The following OR52N5 variants were observed in gnomAD, a reference collection of about 807,000 sequenced individuals.
The protein encoded by OR52N5 is olfactory receptor family 52 subfamily N member 5.
A neutral mutation model predicts 14.1 loss-of-function variants in OR52N5; 10 were observed. The ratio of observed to expected loss-of-function variants is 0.71; its 90% confidence interval spans 0.44 to 1.20. The LOEUF (loss-of-function observed/expected upper bound fraction) is 1.20, where lower values mean the gene tolerates loss of function less well. OR52N5 is among the 50% of genes most tolerant of loss of function. The pLI, the probability that OR52N5 is intolerant of heterozygous loss-of-function variation, is 0.00. For missense variants in OR52N5, 361 were observed against 403.2 expected, an observed-to-expected ratio of 0.90 and a Z score of 0.90; for synonymous variants, 116 against 143.0, an observed-to-expected ratio of 0.81 and a Z score of 1.35.
In OR52N5 at chr11:5,778,807, C is replaced by T. The variant is rs1233973004; in HGVS notation, c.-23-150G>A. The T allele has an allele frequency of 4.5e-6, 2 of 448,702 alleles. 1 individual carries two copies. The highest frequency in any genetic ancestry group is 7.7e-6 in the Non-Finnish European group (2 of 258,830). The allele number at this position is 448,702 out of a possible 1,614,324, so 27.8% of individuals were successfully genotyped here. A position where few individuals can be genotyped will look rare whatever the true frequency, so the allele number is the denominator to read the frequency against. ...ACAATGTATTGAATAATACTGTATT[C>T]CAGATAACATTTTAAAAGTTTCATA... On this transcript the variant is annotated intron_variant, in intron 2 of 2. Transcript: ENST00000641181.
In OR52N5 at chr11:5,778,181, T is replaced by C; in HGVS notation, c.454A>G (p.Lys152Glu). ...CTCAGGAAGGTGGCAAGCTCAGCCTTGGCAATGATAGGGTTGGTGAGTGTG... is the reference window on the plus strand; with the variant it reads ...CTCAGGAAGGTGGCAAGCTCAGCCTCGGCAATGATAGGGTTGGTGAGTGTG... Reference protein sequence around the residue: ...ATTLTNPIIAKAELATFLRGV... With the variant: ...ATTLTNPIIAEAELATFLRGV... The change falls in exon 3 of 3, where the codon AAG becomes GAG. Residue 152 changes from lysine to glutamate, a missense_variant. Transcript: ENST00000641181. 7.2e-6 allele frequency: 11 copies of C among 1,520,736 alleles called. 1 individual carries two copies. The highest frequency in any genetic ancestry group is 9.9e-6 in the Non-Finnish European group (11 of 1,114,248). 94.2% of individuals were successfully genotyped at this position (1,520,736 alleles called of 1,614,324 possible).
At position 5,776,842 on chromosome 11, in the gene OR52N5, G is replaced by C. The variant is rs918484004; in HGVS notation, c.*818C>G. The C allele has an allele frequency of 2.9e-5, 4 of 140,014 alleles. 1 individual carries two copies. The highest frequency in any genetic ancestry group is 6.3e-5 in the Non-Finnish European group (4 of 63,378). 8.7% of individuals were successfully genotyped at this position (140,014 alleles called of 1,614,324 possible). A position where few individuals can be genotyped will look rare whatever the true frequency, so the allele number is the denominator to read the frequency against. On this transcript the variant is annotated 3_prime_UTR_variant, in exon 3 of 3. Coordinates refer to ENST00000641181, the MANE Select transcript of OR52N5 (RefSeq NM_001385662.1). ...GAACAATGTTGCAACAAACATGGGA[G>C]TGCAGGTATCTGGTATCTCTTCAAC...
In OR52N5 at chr11:5,781,008, C is replaced by T. The variant is rs1024236235; in HGVS notation, c.-24+525G>A. 4.3e-5 allele frequency among the ~76,000 whole-genome samples: 6 copies of T among 139,930 alleles called. 1 individual carries two copies. Among genetic ancestry groups the T allele is most frequent in the African/African-American group, 1.6e-4 (6 of 38,266 alleles). The allele number at this position is 139,930 out of a possible 152,430, so 91.8% of individuals were successfully genotyped here. A position where few individuals can be genotyped will look rare whatever the true frequency, so the allele number is the denominator to read the frequency against. On this transcript the variant is annotated intron_variant, in intron 2 of 2. Coordinates refer to ENST00000641181, the MANE Select transcript of OR52N5 (RefSeq NM_001385662.1). Reference sequence around the variant, plus strand: ...TCCAGAGTCCAGAATGAGCTATTGCCGTTAAACACCCTGATTTAGATACAG... The same window carrying T: ...TCCAGAGTCCAGAATGAGCTATTGCTGTTAAACACCCTGATTTAGATACAG...
In OR52N5 at chr11:5,781,139, T is replaced by A. The variant is rs907771753; in HGVS notation, c.-24+394A>T. Among the ~76,000 whole-genome samples, 45 of 140,606 alleles carry A rather than the reference T, an allele frequency of 3.2e-4. 9 individuals carry two copies. The highest frequency in any genetic ancestry group is 4.4e-4 in the Admixed American group (6 of 13,672). The allele number at this position is 140,606 out of a possible 152,430, so 92.2% of individuals were successfully genotyped here. ...ATGCTCCATTAAAGCAAATCCCTTA[T>A]AAACAGAATTAATGCAGAAGTTGTG... On this transcript the variant is annotated intron_variant, in intron 2 of 2. Coordinates refer to ENST00000641181, the MANE Select transcript of OR52N5 (RefSeq NM_001385662.1).
chr11:5,783,312 AGG>A lies in OR52N5; in HGVS notation c.-267_-266del, dbSNP rs1198770411. On this transcript the variant is annotated 5_prime_UTR_variant, in exon 1 of 3. The change abolishes the stop of an existing upstream ORF in the 5' untranslated region. Coordinates refer to ENST00000641181, the MANE Select transcript of OR52N5 (RefSeq NM_001385662.1). ...TCTCTTACCCACAATATAGCTCCTG[AGG>A]AGAAGTGATGTGAAAGGTGTTCATG... 7.2e-6 allele frequency: 1 copy of A among 139,858 alleles called. No individual in the cohort carries two copies. Among genetic ancestry groups the A allele is most frequent in the African/African-American group, 2.6e-5 (1 of 38,188 alleles). 8.7% of individuals were successfully genotyped at this position (139,858 alleles called of 1,614,324 possible). A position where few individuals can be genotyped will look rare whatever the true frequency, so the allele number is the denominator to read the frequency against.
At position 5,776,816 on chromosome 11, in the gene OR52N5, T is replaced by C. The variant is rs1426316823; in HGVS notation, c.*844A>G. Reference sequence around the variant, plus strand: ...GGTTGATTTCATGTCTTGGCTATTGTGAACAATGTTGCAACAAACATGGGA... The same window carrying C: ...GGTTGATTTCATGTCTTGGCTATTGCGAACAATGTTGCAACAAACATGGGA... On this transcript the variant is annotated 3_prime_UTR_variant, in exon 3 of 3. Transcript: ENST00000641181. 3 of 140,536 alleles carry C rather than the reference T, an allele frequency of 2.1e-5. No individual in the cohort carries two copies. Among genetic ancestry groups the C allele is most frequent in the Non-Finnish European group, 4.7e-5 (3 of 63,546 alleles). 8.7% of individuals were successfully genotyped at this position (140,536 alleles called of 1,614,324 possible).
rs1445532275 is a variant in OR52N5 at position 5,776,501 on chromosome 11, G to GC, written c.*1158_*1159insG. On this transcript the variant is annotated 3_prime_UTR_variant, in exon 3 of 3. Transcript: ENST00000641181. Reference sequence around the variant, plus strand: ...AAACCTAATTTTAGCTTCAAAGACTGACTGGGCTGGAAAATGTTCTATAGG... The same window carrying GC: ...AAACCTAATTTTAGCTTCAAAGACTGCACTGGGCTGGAAAATGTTCTATAGG... 2 of 139,690 alleles carry GC rather than the reference G, an allele frequency of 1.4e-5. 1 individual carries two copies. Among genetic ancestry groups the GC allele is most frequent in the Non-Finnish European group, 3.2e-5 (2 of 63,294 alleles). 8.7% of individuals were successfully genotyped at this position (139,690 alleles called of 1,614,324 possible).
At position 5,778,463 on chromosome 11, in the gene OR52N5, A is replaced by G. The variant is rs1466873853; in HGVS notation, c.172T>C (p.Tyr58His). The stretch of plus-strand genomic sequence containing the variant: ...GGATGATGTAAGGACTCCTCATAAT[A>G]AATGAGGTACACAAGACCAAGATTC... ...VGNLGLVYLIYYEESLHHPMY... is the reference protein window; with the variant it reads ...VGNLGLVYLIHYEESLHHPMY... The change falls in exon 3 of 3, where the codon TAT becomes CAT. Residue 58 changes from tyrosine (Y) to histidine (H), a missense_variant. Physicochemically the swap from Tyr to His is moderately conservative, Grantham distance 83. Transcript: ENST00000641181. 3.3e-6 allele frequency: 5 copies of G among 1,513,550 alleles called. 1 individual carries two copies. In the African/African-American group the frequency reaches 7.2e-5, roughly 22 times the overall value. The allele number at this position is 1,513,550 out of a possible 1,614,324, so 93.8% of individuals were successfully genotyped here.
rs78370816 is a variant in OR52N5 at position 5,777,305 on chromosome 11, A to G, written c.*355T>C. 5.9e-3 allele frequency: 863 copies of G among 146,274 alleles called. 128 individuals are homozygous for G. The highest frequency in any genetic ancestry group is 0.021 in the African/African-American group (824 of 38,784). 9.1% of individuals were successfully genotyped at this position (146,274 alleles called of 1,614,324 possible). ...AGAAAAATAACACGTGATTTTTAAAAAAACACCATTCTACTTTTTACTTCT... is the reference window on the plus strand; with the variant it reads ...AGAAAAATAACACGTGATTTTTAAAGAAACACCATTCTACTTTTTACTTCT... On this transcript the variant is annotated 3_prime_UTR_variant, in exon 3 of 3. Coordinates refer to ENST00000641181, the MANE Select transcript of OR52N5 (RefSeq NM_001385662.1).
rs1292177709 is a variant in OR52N5, at chr11:5,778,513, G to T, written c.122C>A (p.Thr41Lys). Residue 41 changes from threonine (T) to lysine (K), a missense_variant, in exon 3 of 3, where the codon ACA (threonine) becomes AAA (lysine). Physicochemically the swap from Thr to Lys is moderately conservative, Grantham distance 78. Transcript: ENST00000641181. ...CCCCACAAGGAAGATGATGTACATT[G>T]TGCAGAGTGGGAGGGAGATCCATAC... is the stretch of plus-strand genomic sequence containing the variant. ...VHVWISLPLC[T>K]MYIIFLVGNL... The T allele has an allele frequency of 1.3e-6, 2 of 1,517,630 alleles. 1 individual carries two copies. The highest frequency in any genetic ancestry group is 1.8e-6 in the Non-Finnish European group (2 of 1,111,510). The allele number at this position is 1,517,630 out of a possible 1,614,324, so 94.0% of individuals were successfully genotyped here. A position where few individuals can be genotyped will look rare whatever the true frequency, so the allele number is the denominator to read the frequency against.
chr11:5,778,244 G>A lies in OR52N5; in HGVS notation c.391C>T (p.Arg131Cys), dbSNP rs138038454. The change falls in exon 3 of 3, where the codon CGC becomes TGC. Residue 131 changes from arginine (R) to cysteine (C), a missense_variant. Physicochemically the swap from Arg to Cys is radical, Grantham distance 180. Transcript: ENST00000641181. Reference sequence around the variant, plus strand: ...AAAGGGTAGCAAATGGCTACATAGCGGTCTAGAGCCATGAGCATGAGCACC... The same window carrying A: ...AAAGGGTAGCAAATGGCTACATAGCAGTCTAGAGCCATGAGCATGAGCACC... ...SGVLMLMALDRYVAICYPLRY... is the reference protein window; with the variant it reads ...SGVLMLMALDCYVAICYPLRY... 145 of 1,520,214 alleles carry A rather than the reference G, an allele frequency of 9.5e-5. 26 individuals are homozygous for A. In the African/African-American group the frequency reaches 1.6e-3, roughly 16 times the overall value. 94.2% of individuals were successfully genotyped at this position (1,520,214 alleles called of 1,614,324 possible). A position where few individuals can be genotyped will look rare whatever the true frequency, so the allele number is the denominator to read the frequency against.
Position 5,777,800 on chromosome 11 carries a change from G to T in OR52N5, c.835C>A (p.Pro279Thr). 6.6e-7 allele frequency: 1 copy of T among 1,520,950 alleles called. No individual in the cohort carries two copies. Among genetic ancestry groups the T allele is most frequent in the Admixed American group, 1.8e-5 (1 of 55,456 alleles). 94.2% of individuals were successfully genotyped at this position (1,520,950 alleles called of 1,614,324 possible). Residue 279 changes from proline to threonine, a missense_variant, in exon 3 of 3, where the codon CCC becomes ACC. By Grantham distance (38) the Pro-to-Thr change is conservative. Transcript: ENST00000641181. Reference sequence around the variant, plus strand: ...GCCACAATGATGTGAAGAGAAGGGGGAATTGTGTGTCCCCCAAAACGGTGG... The same window carrying T: ...GCCACAATGATGTGAAGAGAAGGGGTAATTGTGTGTCCCCCAAAACGGTGG... ...FAHRFGGHTI[P>T]PSLHIIVANL...
rs1260766490 is a variant in OR52N5 at position 5,778,110 on chromosome 11, C to T, written c.525G>A (p.Leu175=). Reference sequence around the variant, plus strand: ...AGATAATATTGCTTTGGCAGAAAGGCAAACGCTTAACCAAGAATGGGAAAG... The same window carrying T: ...AGATAATATTGCTTTGGCAGAAAGGTAAACGCTTAACCAAGAATGGGAAAG... The part of the protein sequence containing the change: ...MIPFPFLVKR[L]PFCQSNIISH... The change falls in exon 3 of 3, where the codon TTG becomes TTA. Residue 175 remains leucine, a synonymous_variant. Coordinates refer to ENST00000641181, the MANE Select transcript of OR52N5 (RefSeq NM_001385662.1). 5.3e-6 allele frequency: 8 copies of T among 1,520,640 alleles called. 2 individuals are homozygous for T. The East Asian group carries it at 1.6e-4, about 31-fold the overall frequency. The allele number at this position is 1,520,640 out of a possible 1,614,324, so 94.2% of individuals were successfully genotyped here. A position where few individuals can be genotyped will look rare whatever the true frequency, so the allele number is the denominator to read the frequency against.
intron 2 of OR52N5, 53 bp from the exon 3 acceptor site, chr11:5,778,710 C>G: frequency 1.0e-6 from 1 of 990,362 alleles, no homozygotes. Context: ...CTTGCAAATA[C>G]AAATTCAAAT....
In OR52N5 at chr11:5,778,042, C is replaced by A. The variant is rs150106156; in HGVS notation, c.593G>T (p.Cys198Phe). 4.6e-4 allele frequency: 694 copies of A among 1,521,222 alleles called. 130 individuals are homozygous for A. The highest frequency in any genetic ancestry group is 5.7e-4 in the Non-Finnish European group (635 of 1,114,394). The allele number at this position is 1,521,222 out of a possible 1,614,324, so 94.2% of individuals were successfully genotyped here. Residue 198 changes from cysteine to phenylalanine, a missense_variant, in exon 3 of 3, where the codon TGT (cysteine) becomes TTT (phenylalanine). By Grantham distance (205) the Cys-to-Phe change is radical. Coordinates refer to ENST00000641181, the MANE Select transcript of OR52N5 (RefSeq NM_001385662.1). ...GATTACATTGACCTTGATGCTGGCA[C>A]AAGATAGCTTTACTACAGACATGTG... ...CDHMSVVKLS[C>F]ASIKVNVIYG...
rs1396026733 is a variant in OR52N5 at position 5,781,773 on chromosome 11, A to G, written c.-247-17T>C. The G allele has an allele frequency of 7.1e-6, 1 of 140,840 alleles. No homozygotes were observed. The highest frequency in any genetic ancestry group is 2.6e-5 in the African/African-American group (1 of 38,480). 8.7% of individuals were successfully genotyped at this position (140,840 alleles called of 1,614,324 possible). On this transcript the variant is annotated splice_polypyrimidine_tract_variant and intron_variant, in intron 1 of 2. Transcript: ENST00000641181. ...TGCCTCTGGCTGTTTACAACAGAAA[A>G]CAGGCTCCTTTGAATTACCACTTTA... is the stretch of plus-strand genomic sequence containing the variant.
At chr11:5,782,806 T>C (rs1318446606) in intron 1 of OR52N5, among the ~76,000 whole-genome samples, 1 of 138,958 alleles carries the variant, frequency 7.2e-6, no homozygotes, top group Non-Finnish European at 1.6e-5. Context: ...AGTACCCAGC[T>C]TAAAAAAAGA....
intron 2 of OR52N5, among the ~76,000 whole-genome samples, chr11:5,780,776 T>C (rs1313474105): frequency 7.2e-6 from 1 of 139,230 alleles, no homozygotes; most frequent in African/African-American, 2.6e-5. Flanking sequence ...TCAGCAAAGG[T>C]GCCAAGAACA....
chr11:5,779,435 C>T (rs1387406269), intron 2 of OR52N5, among the ~76,000 whole-genome samples: 2 of 139,764 alleles, frequency 1.4e-5, no homozygotes, highest in African/African-American at 5.2e-5. Context: ...CTCTTTTTCT[C>T]AAGTACCCTA....
Sources: allele counts gnomAD v4.1 joint callset (sites outside exome capture counted in the v4.1 genomes callset), GRCh38; gene constraint gnomAD v4.1.1; transcripts MANE v1.5; gene names NCBI Gene and HGNC (gene_info 2026-07-23, HGNC 2026-07-21).